PLEKHA6: variants seen among roughly 807,000 people sequenced by gnomAD.
The protein encoded by PLEKHA6 is pleckstrin homology domain-containing family A member 6.
PLEKHA6 carries 60 observed loss-of-function variants against 116.7 expected under a neutral mutation model. That is an observed-to-expected ratio of 0.51 (90% confidence interval 0.42 to 0.64). The LOEUF (loss-of-function observed/expected upper bound fraction) is 0.64. Ranked by LOEUF, PLEKHA6 falls within the 30% of genes least tolerant of loss-of-function variation. PLEKHA6 has a pLI of 0.00. For synonymous variants in PLEKHA6, 489 were observed against 556.1 expected (o/e 0.88, Z 1.70); for missense variants, 1,338 against 1,422.7 (o/e 0.94, Z 0.96).
At chr1:204,323,510 C>A (rs534624062) in intron 1 of PLEKHA6, among the ~76,000 whole-genome samples, 18 of 152,290 alleles carry the variant, frequency 1.2e-4, no homozygotes, top group African/African-American at 4.3e-4. Context: ...CTAGATGGGA[C>A]CAAAGTGATG....
chr1:204,326,379 G>A (rs528548335), intron 1 of PLEKHA6, among the ~76,000 whole-genome samples: 1 of 152,266 alleles, frequency 6.6e-6, no homozygotes, highest in South Asian at 2.1e-4. Flanking sequence ...CAAAGCACTG[G>A]CAAAGAAACA....
intron 7 of PLEKHA6, among the ~76,000 whole-genome samples, chr1:204,260,247 T>A (rs942927623): frequency 6.6e-6 from 1 of 152,204 alleles, no homozygotes; most frequent in Non-Finnish European, 1.5e-5. Flanking sequence ...ATCAGCAGAA[T>A]GGGCATAATA....
intron 1 of PLEKHA6, among the ~76,000 whole-genome samples, chr1:204,349,653 G>GCT (rs1673209797): frequency 6.6e-6 from 1 of 152,118 alleles, no homozygotes; most frequent in African/African-American, 2.4e-5. Context: ...CAGAGACCCA[G>GCT]CTCGAGCCTT....
chr1:204,274,994 G>T, intron 1 of PLEKHA6, 185 bp from the exon 2 acceptor site: 3 of 740,458 alleles, frequency 4.1e-6, no homozygotes, highest in Admixed American at 6.3e-5. Context: ...GGCGGGGTGG[G>T]GGAAGGAAGA....
At chr1:204,270,050 T>C (rs1169936876) in intron 3 of PLEKHA6, among the ~76,000 whole-genome samples, 1 of 152,216 alleles carries the variant, frequency 6.6e-6, no homozygotes, top group Admixed American at 6.5e-5. Context: ...CTCCTCTACC[T>C]ATTTTCTGAA....
At chr1:204,260,330 C>G (rs1325877781) in intron 7 of PLEKHA6, among the ~76,000 whole-genome samples, 3 of 152,188 alleles carry the variant, frequency 2.0e-5, no homozygotes, top group Non-Finnish European at 4.4e-5. Flanking sequence ...TGCTTTCAAA[C>G]TCACAAGCAC....
chr1:204,310,706 G>T (rs1361476349), intron 1 of PLEKHA6, among the ~76,000 whole-genome samples: 1 of 152,200 alleles, frequency 6.6e-6, no homozygotes, highest in Non-Finnish European at 1.5e-5. Context: ...GCAATAAATA[G>T]TTGCTTGATT....
chr1:204,321,173 G>A (rs1385305316), intron 1 of PLEKHA6, among the ~76,000 whole-genome samples: 1 of 152,070 alleles, frequency 6.6e-6, no homozygotes, highest in Admixed American at 6.5e-5. Flanking sequence ...ACTACATAAA[G>A]CACCACTCAG....
Position 204,245,667 on chromosome 1 carries a change from C to T in PLEKHA6, c.1980G>A (p.Glu660=). 6.2e-7 allele frequency: 1 copy of T among 1,613,846 alleles called. No homozygotes were observed. Among genetic ancestry groups the T allele is most frequent in the Middle Eastern group, 1.7e-4 (1 of 6,056 alleles). Residue 660 remains glutamate, a synonymous_variant, in exon 14 of 23, where the codon GAG becomes GAA. Coordinates refer to ENST00000272203, the MANE Select transcript of PLEKHA6 (RefSeq NM_014935.5). ...KEIWRIQDVM[E]GLRKNNPSRG... is the part of the protein sequence containing the mutation. ...GGGAGGGGTTGTTCTTCCTCAGCCCCTCCATCACGTCCTGGATCCTCCAGA... is the reference window on the plus strand; with the variant it reads ...GGGAGGGGTTGTTCTTCCTCAGCCCTTCCATCACGTCCTGGATCCTCCAGA...
intron 1 of PLEKHA6, among the ~76,000 whole-genome samples, chr1:204,291,693 T>A (rs4598554): frequency 0.016 from 2,428 of 152,330 alleles, 35 homozygotes; most frequent in Admixed American, 0.03. Context: ...AAGTATTCAT[T>A]TATGATTCCA....
intron 1 of PLEKHA6, among the ~76,000 whole-genome samples, chr1:204,376,402 A>G (rs975936186): frequency 4.6e-5 from 7 of 152,220 alleles, no homozygotes; most frequent in African/African-American, 1.7e-4. Flanking sequence ...TGCAGTTTTA[A>G]TATTGCAGAG....
chr1:204,243,968 C>T (rs979648770), intron 15 of PLEKHA6, among the ~76,000 whole-genome samples: 3 of 149,864 alleles, frequency 2.0e-5, no homozygotes, highest in African/African-American at 7.4e-5. Context: ...CTACAGGCAC[C>T]AGCCACCACG....
At chr1:204,326,503 C>T (rs1261374812) in intron 1 of PLEKHA6, among the ~76,000 whole-genome samples, 1 of 152,158 alleles carries the variant, frequency 6.6e-6, no homozygotes, top group Non-Finnish European at 1.5e-5. Flanking sequence ...CAGTCCATGC[C>T]ACCTCCCAAA....
In PLEKHA6 at chr1:204,280,375, G is replaced by A. The variant is rs1214835377; in HGVS notation, c.-94-5566C>T. 1.0e-5 allele frequency: 10 copies of A among 985,220 alleles called. No individual in the cohort carries two copies. In the South Asian group the frequency reaches 4.2e-4, roughly 42 times the overall value. 61.0% of individuals were successfully genotyped at this position (985,220 alleles called of 1,614,324 possible). On this transcript the variant is annotated intron_variant, in intron 1 of 22. Coordinates refer to ENST00000272203, the MANE Select transcript of PLEKHA6 (RefSeq NM_014935.5). ...ACACATGCACACACACTCCCAGGCT[G>A]GATGCCCAGAACCCCACTGTGATCA...
intron 5 of PLEKHA6, among the ~76,000 whole-genome samples, chr1:204,265,285 G>C (rs1666663718): frequency 6.6e-6 from 1 of 152,192 alleles, no homozygotes; most frequent in African/African-American, 2.4e-5. Flanking sequence ...AGGTGAGTAA[G>C]AGAGAAGTAG....
intron 1 of PLEKHA6, among the ~76,000 whole-genome samples, chr1:204,344,165 C>A (rs1300322370): frequency 6.6e-6 from 1 of 152,110 alleles, no homozygotes; most frequent in Non-Finnish European, 1.5e-5. Context: ...CAATTTGAGC[C>A]AAGGGAAGAG....
At chr1:204,268,724 G>A (rs1490371153) in intron 3 of PLEKHA6, among the ~76,000 whole-genome samples, 2 of 151,708 alleles carry the variant, frequency 1.3e-5, no homozygotes, top group East Asian at 1.9e-4. Context: ...AGTCCTGTTC[G>A]TCATCTCATG....
rs115294910 is a variant in PLEKHA6 at position 204,315,910 on chromosome 1, T to C, written c.-94-41101A>G. Reference sequence around the variant, plus strand: ...TTAAGGAGACGGGAGATTACTGGGGTACCTGGACTAGGTAAAGGTTCGTGT... The same window carrying C: ...TTAAGGAGACGGGAGATTACTGGGGCACCTGGACTAGGTAAAGGTTCGTGT... On this transcript the variant is annotated intron_variant, in intron 1 of 22. Coordinates refer to ENST00000272203, the MANE Select transcript of PLEKHA6 (RefSeq NM_014935.5). Among the ~76,000 whole-genome samples, 1,196 of 152,278 alleles carry C rather than the reference T, an allele frequency of 7.9e-3. 12 individuals are homozygous for C. The highest frequency in any genetic ancestry group is 0.026 in the African/African-American group (1,067 of 41,554).
chr1:204,270,342 T>C (rs763407939), intron 3 of PLEKHA6, among the ~76,000 whole-genome samples: 2 of 152,374 alleles, frequency 1.3e-5, no homozygotes, highest in Admixed American at 6.5e-5. Flanking sequence ...ATAAGCAATA[T>C]GATAAAATCT....
Sources: allele counts gnomAD v4.1 joint callset (sites outside exome capture counted in the v4.1 genomes callset), GRCh38; gene constraint gnomAD v4.1.1; transcripts MANE v1.5; gene names NCBI Gene and HGNC (gene_info 2026-07-23, HGNC 2026-07-21).